ZNF462: variants seen among roughly 807,000 people sequenced by gnomAD.
ZNF462 encodes the protein zinc finger protein 462, also known as zinc finger PBX1-interacting protein.
Under a neutral mutation model 201.9 loss-of-function variants are expected in ZNF462, and 10 were observed. The observed-to-expected ratio is 0.05, with a 90% confidence interval of 0.03 to 0.08. ZNF462 has a LOEUF of 0.08. Ranked by LOEUF, ZNF462 falls within the 10% of genes least tolerant of loss-of-function variation. The pLI is 1.00. For synonymous variants in ZNF462, 1,227 were observed against 1,193.3 expected (o/e 1.03, Z -0.58); for missense variants, 2,523 against 3,168.3 (o/e 0.80, Z 4.89).
At position 106,925,354 on chromosome 9, in the gene ZNF462, G is replaced by C; in HGVS notation, c.1442G>C (p.Ser481Thr). Residue 481 changes from serine (S) to threonine (T), a missense_variant, in exon 3 of 13, where the codon AGC becomes ACC. This residue lies in a region of ZNF462 where 383 missense variants were observed against 453.4 expected (regional missense o/e 0.84). Coordinates refer to ENST00000277225, the MANE Select transcript of ZNF462 (RefSeq NM_021224.6). The surrounding 1 kb of genome is among the most constrained non-coding windows in gnomAD (Gnocchi z 7.9). ...GACGAATGTCCGTTTACTTGCAAGA[G>C]CTCGTTGAAACTTGGGGCTCACAAA... ...KCDECPFTCK[S>T]SLKLGAHKQC... The C allele has an allele frequency of 6.2e-7, 1 of 1,614,216 alleles. No individual in the cohort carries two copies. Among genetic ancestry groups the C allele is most frequent in the Non-Finnish European group, 8.5e-7 (1 of 1,180,048 alleles).
In ZNF462 at chr9:106,972,378, C is replaced by G; in HGVS notation, c.6695+106C>G. 3 of 1,473,042 alleles carry G rather than the reference C, an allele frequency of 2.0e-6. No homozygotes were observed. The highest frequency in any genetic ancestry group is 2.7e-6 in the Non-Finnish European group (3 of 1,098,190). The allele number at this position is 1,473,042 out of a possible 1,614,324, so 91.2% of individuals were successfully genotyped here. Reference sequence around the variant, plus strand: ...TCCTACTTGGAGCTTATGGGAGGCCCTGCCCATGTGATGATGTAGGGGTTG... The same window carrying G: ...TCCTACTTGGAGCTTATGGGAGGCCGTGCCCATGTGATGATGTAGGGGTTG... On this transcript the variant is annotated intron_variant, in intron 8 of 12. Coordinates refer to ENST00000277225, the MANE Select transcript of ZNF462 (RefSeq NM_021224.6). The surrounding 1 kb of genome is among the most constrained non-coding windows in gnomAD (Gnocchi z 4.8).
chr9:107,009,370 T>C lies in ZNF462; in HGVS notation c.7190-175T>C. On this transcript the variant is annotated intron_variant, in intron 11 of 12. Coordinates refer to ENST00000277225, the MANE Select transcript of ZNF462 (RefSeq NM_021224.6). The surrounding 1 kb of genome is among the most constrained non-coding windows in gnomAD (Gnocchi z 6.1). ...AGAACCAGAAACAGTTCTCGAATGC[T>C]ATTCAAGGAATGCCCTAAGGGGGAA... 9.2e-6 allele frequency: 7 copies of C among 761,966 alleles called. No homozygotes were observed. Among genetic ancestry groups the C allele is most frequent in the Non-Finnish European group, 1.4e-5 (7 of 497,864 alleles). 47.2% of individuals were successfully genotyped at this position (761,966 alleles called of 1,614,324 possible). A position where few individuals can be genotyped will look rare whatever the true frequency, so the allele number is the denominator to read the frequency against.
chr9:106,926,796 T>G lies in ZNF462; in HGVS notation c.2884T>G (p.Tyr962Asp). Reference protein sequence around the residue: ...KINNAMIFSSYVVEQQEGLNT... With the variant: ...KINNAMIFSSDVVEQQEGLNT... ...CAACAACGCGATGATATTTTCAAGC[T>G]ATGTCGTGGAGCAGCAGGAAGGGCT... is the stretch of plus-strand genomic sequence containing the variant. The change falls in exon 3 of 13, where the codon TAT (tyrosine) becomes GAT (aspartate). Residue 962 changes from tyrosine to aspartate, a missense_variant. By Grantham distance (160) the Tyr-to-Asp change is radical. Around this residue, in one of 15 missense-constraint regions of ZNF462, gnomAD observed 280 missense variants for 321.3 expected, o/e 0.87. Transcript: ENST00000277225. The surrounding 1 kb of genome is among the most constrained non-coding windows in gnomAD (Gnocchi z 7.9). The G allele has an allele frequency of 6.2e-7, 1 of 1,614,136 alleles. No homozygotes were observed. The highest frequency in any genetic ancestry group is 8.5e-7 in the Non-Finnish European group (1 of 1,180,032).
chr9:106,973,209 T>G (rs1826726946), intron 8 of ZNF462, among the ~76,000 whole-genome samples: 1 of 152,120 alleles, frequency 6.6e-6, no homozygotes, highest in Non-Finnish European at 1.5e-5. Flanking sequence ...GATAAAAAGC[T>G]ATTATTTTCT....
intron 10 of ZNF462, among the ~76,000 whole-genome samples, chr9:106,994,202 A>G (rs1323407482): frequency 6.6e-6 from 1 of 152,142 alleles, no homozygotes; most frequent in African/African-American, 2.4e-5. Context: ...TTAATTTTTT[A>G]TATAAATGGA....
chr9:106,958,425 G>GTCTTT (rs1831678110), intron 7 of ZNF462, among the ~76,000 whole-genome samples: 1 of 152,092 alleles, frequency 6.6e-6, no homozygotes, highest in Non-Finnish European at 1.5e-5. Context: ...TAGCTACACT[G>GTCTTT]AATACCCTGT....
rs1829840403 is a variant in ZNF462, at chr9:106,917,875, TTTATTTA to T, written c.-30-5476_-30-5470del. On this transcript the variant is annotated intron_variant, in intron 1 of 12. Coordinates refer to ENST00000277225, the MANE Select transcript of ZNF462 (RefSeq NM_021224.6). The surrounding 1 kb of genome is among the most constrained non-coding windows in gnomAD (Gnocchi z 4.5). ...ATTTATTTATTTATTTATTTATTTA[TTTATTTA>T]TTTATTTATTTTGTGACAGAGTCTC... 6.7e-6 allele frequency among the ~76,000 whole-genome samples: 1 copy of T among 150,066 alleles called. No individual in the cohort carries two copies. Among genetic ancestry groups the T allele is most frequent in the South Asian group, 2.1e-4 (1 of 4,782 alleles).
intron 1 of ZNF462, among the ~76,000 whole-genome samples, chr9:106,900,203 C>CGTGTGTGTGT (rs3056258): frequency 2.2e-4 from 29 of 134,748 alleles, no homozygotes; most frequent in South Asian, 1.1e-3. Context: ...AGTATTCCAT[C>CGTGTGTGTGT]GTGTGTGTGT....
Position 106,902,839 on chromosome 9 carries a change from G to A in ZNF462, c.-30-20515G>A, listed in dbSNP as rs371060401. 1.2e-3 allele frequency among the ~76,000 whole-genome samples: 177 copies of A among 151,742 alleles called. No individual in the cohort carries two copies. Among genetic ancestry groups the A allele is most frequent in the African/African-American group, 4.2e-3 (173 of 41,420 alleles). ...TCTTTTCTTGGTTAATTTTGCTAAT[G>A]GTCTATCAATTTTATTTATCTTCTC... On this transcript the variant is annotated intron_variant, in intron 1 of 12. Transcript: ENST00000277225. This position sits in a 1 kb window ranked among gnomAD's most constrained non-coding sequence, Gnocchi z 4.2.
rs937537391 is a variant in ZNF462, at chr9:106,865,748, T to G, written c.-31+2393T>G. On this transcript the variant is annotated intron_variant, in intron 1 of 12. Coordinates refer to ENST00000277225, the MANE Select transcript of ZNF462 (RefSeq NM_021224.6). The surrounding 1 kb of genome is among the most constrained non-coding windows in gnomAD (Gnocchi z 4.1). ...TGATGTCAGTTGAGAAAACCTTATG[T>G]CCAGGTATCTTCACCTTTTTAATTG... is the stretch of plus-strand genomic sequence containing the variant. Among the ~76,000 whole-genome samples the G allele has an allele frequency of 2.6e-5, 4 of 152,198 alleles. No individual in the cohort carries two copies. The highest frequency in any genetic ancestry group is 4.4e-5 in the Non-Finnish European group (3 of 68,028).
At chr9:106,987,655 T>A (rs1827956218) in intron 10 of ZNF462, among the ~76,000 whole-genome samples, 1 of 152,214 alleles carries the variant, frequency 6.6e-6, no homozygotes, top group South Asian at 2.1e-4. Flanking sequence ...ATGCAAAAGC[T>A]CTTTAGTTTA....
At chr9:106,934,898 C>T (rs866255394) in intron 5 of ZNF462, among the ~76,000 whole-genome samples, 4 of 152,228 alleles carry the variant, frequency 2.6e-5, no homozygotes, top group Non-Finnish European at 4.4e-5. Context: ...AAGGGATGTG[C>T]GGCCTTTTGA....
upstream of ZNF462, among the ~76,000 whole-genome samples, chr9:106,862,263 T>A (rs1182737413): frequency 1.3e-5 from 2 of 152,292 alleles, no homozygotes; most frequent in East Asian, 3.9e-4. The surrounding 1 kb of genome is among the most constrained non-coding windows in gnomAD (Gnocchi z 4.2). Flanking sequence ...AACCTCCAGT[T>A]CCCCACGTAT....
chr9:106,864,100 CTCT>C (rs1827208498), intron 1 of ZNF462, among the ~76,000 whole-genome samples: 2 of 125,158 alleles, frequency 1.6e-5, no homozygotes, highest in East Asian at 2.2e-4. Flanking sequence ...CTCTCTCTCT[CTCT>C]CTCTCTCCCT....
chr9:106,916,803 C>T (rs1474033401), intron 1 of ZNF462, among the ~76,000 whole-genome samples: 3 of 152,134 alleles, frequency 2.0e-5, no homozygotes, highest in Admixed American at 6.5e-5. Context: ...GAGGGGGAGT[C>T]GTCTTCATTT....
At chr9:106,873,430 A>G (rs1034567691) in intron 1 of ZNF462, among the ~76,000 whole-genome samples, 25 of 150,206 alleles carry the variant, frequency 1.7e-4, no homozygotes, top group Non-Finnish European at 2.7e-4. Flanking sequence ...TTTTTTTTGT[A>G]GAAAAGGTGT....
rs376720857 is a variant in ZNF462, at chr9:106,932,496, C to T, written c.6063C>T (p.Arg2021=). The T allele has an allele frequency of 4.3e-5, 70 of 1,614,212 alleles. No homozygotes were observed. Among genetic ancestry groups the T allele is most frequent in the African/African-American group, 2.5e-4 (19 of 75,050 alleles). Residue 2021 remains arginine (R), a synonymous_variant, in exon 5 of 13, where the codon CGC becomes CGT. Transcript: ENST00000277225. The surrounding 1 kb of genome is among the most constrained non-coding windows in gnomAD (Gnocchi z 6.8). ...RSHLALAMFT[R]EDKYSCQYCS... is the part of the protein sequence containing the mutation. ...ACCTGGCCCTGGCCATGTTTACCCG[C>T]GAGGACAAGTACAGCTGCCAGTATT...
intron 7 of ZNF462, among the ~76,000 whole-genome samples, chr9:106,971,375 A>AACAAC (rs1554713165): frequency 4.0e-5 from 6 of 151,274 alleles, no homozygotes; most frequent in African/African-American, 9.7e-5. Context: ...TTAAAAAAAA[A>AACAAC]AACAACAACA....
rs1243736631 is a variant in ZNF462, at chr9:106,984,595, AGGTTGGGT to A, written c.7056+189_7056+196del. 6.6e-6 allele frequency among the ~76,000 whole-genome samples: 1 copy of A among 152,192 alleles called. No homozygotes were observed. The highest frequency in any genetic ancestry group is 1.5e-5 in the Non-Finnish European group (1 of 68,032). On this transcript the variant is annotated intron_variant, in intron 10 of 12. Transcript: ENST00000277225. This position sits in a 1 kb window ranked among gnomAD's most constrained non-coding sequence, Gnocchi z 6.4. ...GTCATTTTTAAAAATTGCGAAACAC[AGGTTGGGT>A]GGAAGGGAAATCACCCATAATTCTA...
Sources: allele counts gnomAD v4.1 joint callset (sites outside exome capture counted in the v4.1 genomes callset), GRCh38; gene constraint gnomAD v4.1.1; regional missense constraint gnomAD v4.1.1; non-coding constraint Gnocchi (gnomAD v3.1); transcripts MANE v1.5; gene names NCBI Gene and HGNC (gene_info 2026-07-23, HGNC 2026-07-21).